CCDC171: variants seen among roughly 807,000 people sequenced by gnomAD.
The protein encoded by CCDC171 is coiled-coil domain-containing protein 171.
In CCDC171, 177 loss-of-function variants were observed where a neutral mutation model predicts 168.2. The ratio of observed to expected loss-of-function variants is 1.05; its 90% CI spans 0.93 to 1.19. CCDC171 has a LOEUF of 1.19. Ranked by LOEUF, CCDC171 falls within the 50% of genes most tolerant of loss-of-function variation. The pLI, the probability that CCDC171 is intolerant of heterozygous loss-of-function variation, is 0.00. For synonymous variants in CCDC171, 687 were observed against 540.8 expected, an observed-to-expected ratio of 1.27 and a Z score of -3.75; for missense variants, 1,991 against 1,539.0, an observed-to-expected ratio of 1.29 and a Z score of -4.91.
chr9:15,707,274 A>G (rs2052318193), intron 11 of CCDC171, among the ~76,000 whole-genome samples: 1 of 152,240 alleles, frequency 6.6e-6, no homozygotes, highest in Non-Finnish European at 1.5e-5. Context: ...TGAGTACTCA[A>G]CATTTTGTAA....
chr9:15,693,180 G>T (rs536773366), intron 10 of CCDC171, among the ~76,000 whole-genome samples: 3 of 142,776 alleles, frequency 2.1e-5, no homozygotes, highest in Non-Finnish European at 4.6e-5. Context: ...ATGCTGTGTA[G>T]AAATTCTCTC....
chr9:15,808,303 C>T (rs920082532), intron 21 of CCDC171, among the ~76,000 whole-genome samples: 13 of 152,136 alleles, frequency 8.5e-5, no homozygotes, highest in South Asian at 2.1e-4. Context: ...TGAGAATTTA[C>T]GGTAATACTA....
At chr9:15,647,336 A>G (rs1299639336) in intron 7 of CCDC171, among the ~76,000 whole-genome samples, 1 of 152,238 alleles carries the variant, frequency 6.6e-6, no homozygotes, top group Non-Finnish European at 1.5e-5. Flanking sequence ...ATCACAATTA[A>G]AAGAATTACA....
chr9:15,631,492 T>C (rs1026478459), intron 7 of CCDC171, among the ~76,000 whole-genome samples: 4 of 152,214 alleles, frequency 2.6e-5, no homozygotes, highest in Admixed American at 6.5e-5. Flanking sequence ...ACCTTCTGAA[T>C]AGACCAATAA....
intron 8 of CCDC171, 189 bp downstream of exon 8, chr9:15,657,408 AC>A: frequency 2.3e-6 from 1 of 432,098 alleles, no homozygotes; most frequent in Non-Finnish European, 4.3e-6. Context: ...GAGTTGGCAC[AC>A]TATAGCCTAC....
At chr9:15,567,881 T>G (rs2039879328) in intron 2 of CCDC171, among the ~76,000 whole-genome samples, 1 of 152,108 alleles carries the variant, frequency 6.6e-6, no homozygotes, top group Non-Finnish European at 1.5e-5. Context: ...CTTGAACTCC[T>G]GGCCTCAAGT....
At chr9:15,955,107 A>G (rs886252590) in intron 25 of CCDC171, among the ~76,000 whole-genome samples, 3 of 152,086 alleles carry the variant, frequency 2.0e-5, no homozygotes, top group African/African-American at 7.2e-5. Context: ...TTTTTTAAAA[A>G]ATTGCTGTAG....
intron 6 of CCDC171, among the ~76,000 whole-genome samples, chr9:15,622,926 T>A (rs1481947198): frequency 1.3e-5 from 2 of 152,184 alleles, no homozygotes; most frequent in Non-Finnish European, 2.9e-5. Context: ...ATTTAAAAAT[T>A]TTAATGAGAA....
In CCDC171 at chr9:15,686,903, T is replaced by C. The variant is rs147909766; in HGVS notation, c.1215+8007T>C. Among the ~76,000 whole-genome samples the C allele has an allele frequency of 4.7e-4, 71 of 152,258 alleles. 1 individual carries two copies. The highest frequency in any genetic ancestry group is 1.6e-3 in the African/African-American group (67 of 41,554). ...AAGACTCAACAGTACTGTAAACAAA[T>C]TAGACCTTACAGATATCTATAGAAC... is the stretch of plus-strand genomic sequence containing the variant. On this transcript the variant is annotated intron_variant, in intron 10 of 25. Transcript: ENST00000380701.
At chr9:16,035,875 A>G (rs1170881226) in intron 7 of CCDC171, among the ~76,000 whole-genome samples, 1 of 152,230 alleles carries the variant, frequency 6.6e-6, no homozygotes, top group Non-Finnish European at 1.5e-5. Flanking sequence ...TTCTACCGCT[A>G]TGCAGAAACA....
chr9:15,712,571 G>A (rs1298891133), intron 11 of CCDC171, among the ~76,000 whole-genome samples: 3 of 152,184 alleles, frequency 2.0e-5, no homozygotes, highest in Non-Finnish European at 4.4e-5. Flanking sequence ...ACACATGGAT[G>A]GTAGTTTGGT....
chr9:15,709,289 G>A (rs2052477613), intron 11 of CCDC171, among the ~76,000 whole-genome samples: 1 of 152,146 alleles, frequency 6.6e-6, no homozygotes, highest in South Asian at 2.1e-4. Flanking sequence ...AAATAGGATA[G>A]TAGATTAAAA....
intron 10 of CCDC171, among the ~76,000 whole-genome samples, chr9:15,682,872 A>C (rs1208446154): frequency 6.6e-6 from 1 of 152,018 alleles, no homozygotes; most frequent in Non-Finnish European, 1.5e-5. Context: ...TCAACTACTA[A>C]ATAAAACTGA....
Position 15,587,358 on chromosome 9 carries a change from C to T in CCDC171, c.353-4008C>T, listed in dbSNP as rs560024526. 2.4e-4 allele frequency among the ~76,000 whole-genome samples: 37 copies of T among 152,282 alleles called. No individual in the cohort carries two copies. The Middle Eastern group carries it at 0.01, about 42-fold the overall frequency. ...TGCTGTTCTTGTGATATGGGTCTCA[C>T]GAGATCTGATGGTTTTAAAAATGGG... On this transcript the variant is annotated intron_variant, in intron 4 of 25. Transcript: ENST00000380701.
intron 25 of CCDC171, 71 bp from the exon 26 acceptor site, chr9:15,971,538 T>C: frequency 1.0e-6 from 1 of 952,616 alleles, no homozygotes; most frequent in East Asian, 2.4e-5. Flanking sequence ...TACTTGCCTG[T>C]TTATGGTTTT....
At chr9:16,083,540 T>C in the CCDC171 span, among the ~76,000 whole-genome samples, 1 of 152,256 alleles carries the variant, frequency 6.6e-6, no homozygotes, top group Non-Finnish European at 1.5e-5. Context: ...TGTTGGAAAG[T>C]GATATATTTA....
At chr9:15,693,630 C>T (rs925412451) in intron 10 of CCDC171, among the ~76,000 whole-genome samples, 1 of 152,122 alleles carries the variant, frequency 6.6e-6, no homozygotes, top group Non-Finnish European at 1.5e-5. Context: ...AGGTAAAGAA[C>T]AGTTTTTCTG....
intron 24 of CCDC171, among the ~76,000 whole-genome samples, chr9:15,910,138 T>G (rs1823400148): frequency 6.6e-6 from 1 of 151,364 alleles, no homozygotes; most frequent in African/African-American, 2.4e-5. Flanking sequence ...TTTCCTTTTT[T>G]TAATGCCTGT....
At chr9:15,617,379 G>GTTT (rs767843005) in intron 6 of CCDC171, among the ~76,000 whole-genome samples, 2 of 138,846 alleles carry the variant, frequency 1.4e-5, no homozygotes, top group Non-Finnish European at 3.2e-5. Flanking sequence ...TTGTGGGAGG[G>GTTT]TTTTTTTTTT....
Sources: gnomAD v4.1 joint callset for allele counts (sites outside exome capture counted in the v4.1 genomes callset) on GRCh38, gnomAD v4.1.1 for gene constraint, MANE v1.5 for transcripts, NCBI Gene and HGNC (gene_info 2026-07-23, HGNC 2026-07-21) for gene names.